The following CCDC102B variants were observed in gnomAD, a reference collection of about 807,000 sequenced individuals.
The protein encoded by CCDC102B is coiled-coil domain-containing protein 102B.
In CCDC102B, 75 loss-of-function variants were observed where a neutral mutation model predicts 57.4. The observed-to-expected ratio is 1.31, with a 90% CI of 1.08 to 1.58. The LOEUF is 1.58. CCDC102B is among the 40% of genes most tolerant of loss of function. CCDC102B has a pLI of 0.00. For missense variants in CCDC102B, 636 were observed against 582.6 expected, an observed-to-expected ratio of 1.09 and a Z score of -0.94; for synonymous variants, 206 against 201.9, an observed-to-expected ratio of 1.02 and a Z score of -0.17.
At chr18:68,773,297 C>T (rs1450816044) in intron 2 of CCDC102B, among the ~76,000 whole-genome samples, 1 of 151,936 alleles carries the variant, frequency 6.6e-6, no homozygotes, top group Non-Finnish European at 1.5e-5. Flanking sequence ...ATAATAGTAA[C>T]ATGGCAGAGG....
intron 7 of CCDC102B, among the ~76,000 whole-genome samples, chr18:69,018,948 G>A (rs1346467097): frequency 1.3e-5 from 2 of 151,740 alleles, no homozygotes; most frequent in Non-Finnish European, 2.9e-5. Context: ...TGTGGTGCAA[G>A]ATATGGATAT....
rs140044917 is a variant in CCDC102B, at chr18:69,021,583, G to A, written c.1434+10479G>A. On this transcript the variant is annotated intron_variant, in intron 7 of 7. Transcript: ENST00000360242. Reference sequence around the variant, plus strand: ...CGTTGTGAGAGATATTCAATCCTAAGTATATACAGTTGAATGTAACAAATG... The same window carrying A: ...CGTTGTGAGAGATATTCAATCCTAAATATATACAGTTGAATGTAACAAATG... 2.7e-3 allele frequency among the ~76,000 whole-genome samples: 413 copies of A among 152,318 alleles called. 2 individuals carry two copies. Among genetic ancestry groups the A allele is most frequent in the African/African-American group, 9.6e-3 (398 of 41,578 alleles).
intron 6 of CCDC102B, among the ~76,000 whole-genome samples, chr18:68,967,212 G>A (rs1273516107): frequency 1.3e-5 from 2 of 151,896 alleles, no homozygotes; most frequent in African/African-American, 2.4e-5. Context: ...ATCAACCATC[G>A]AAGCATATAG....
At chr18:68,986,711 CA>C (rs891456259) in intron 6 of CCDC102B, among the ~76,000 whole-genome samples, 11 of 149,136 alleles carry the variant, frequency 7.4e-5, no homozygotes, top group East Asian at 3.9e-4. Flanking sequence ...ACAACAACAA[CA>C]AAAAAAAAAC....
At chr18:69,050,014 T>C (rs1383494062) in intron 7 of CCDC102B, among the ~76,000 whole-genome samples, 1 of 152,142 alleles carries the variant, frequency 6.6e-6, no homozygotes, top group Non-Finnish European at 1.5e-5. Flanking sequence ...TTCACTATGT[T>C]GACTAGGCTA....
At position 69,055,165 on chromosome 18, in the gene CCDC102B, A is replaced by G; in HGVS notation, c.*1028A>G. 2 of 977,590 alleles carry G rather than the reference A, an allele frequency of 2.0e-6. No individual in the cohort carries two copies. The highest frequency in any genetic ancestry group is 2.4e-6 in the Non-Finnish European group (2 of 822,858). The allele number at this position is 977,590 out of a possible 1,614,324, so 60.6% of individuals were successfully genotyped here. A position where few individuals can be genotyped will look rare whatever the true frequency, so the allele number is the denominator to read the frequency against. ...ATGAAATCTTACTAATTCATTATTG[A>G]ATAAAGACCACTTTTATCAGAGTCT... On this transcript the variant is annotated 3_prime_UTR_variant, in exon 8 of 8. Coordinates refer to ENST00000360242, the MANE Select transcript of CCDC102B (RefSeq NM_024781.3).
At chr18:68,906,413 A>T (rs142952916) in intron 6 of CCDC102B, among the ~76,000 whole-genome samples, 2 of 152,300 alleles carry the variant, frequency 1.3e-5, no homozygotes, top group East Asian at 3.9e-4. Context: ...TGTATTCCAT[A>T]ATGGCGGAAC....
At chr18:68,904,290 T>G (rs565987215) in intron 6 of CCDC102B, among the ~76,000 whole-genome samples, 2 of 152,308 alleles carry the variant, frequency 1.3e-5, no homozygotes, top group African/African-American at 4.8e-5. Flanking sequence ...AAGTTCAAGT[T>G]TTTAAAATAT....
chr18:68,905,984 G>A (rs1599667554), intron 6 of CCDC102B, among the ~76,000 whole-genome samples: 1 of 151,620 alleles, frequency 6.6e-6, no homozygotes, highest in Non-Finnish European at 1.5e-5. Context: ...TAGTAGAGAC[G>A]GGGTTTCACC....
intron 5 of CCDC102B, among the ~76,000 whole-genome samples, chr18:68,884,550 G>A (rs990689251): frequency 6.6e-6 from 1 of 150,618 alleles, no homozygotes. Flanking sequence ...TAGGTCAGAG[G>A]CTACAAGGCA....
intron 4 of CCDC102B, among the ~76,000 whole-genome samples, chr18:68,862,019 A>G (rs957848894): frequency 2.0e-5 from 3 of 152,188 alleles, no homozygotes; most frequent in Non-Finnish European, 4.4e-5. Flanking sequence ...AATTTATATA[A>G]TCATCTCTCT....
At chr18:68,981,433 A>T (rs1002072699) in intron 6 of CCDC102B, among the ~76,000 whole-genome samples, 1 of 152,064 alleles carries the variant, frequency 6.6e-6, no homozygotes. Flanking sequence ...ATATTGTCAG[A>T]TAACTATTGG....
chr18:69,020,105 C>T (rs2051788915), intron 7 of CCDC102B, among the ~76,000 whole-genome samples: 1 of 151,948 alleles, frequency 6.6e-6, no homozygotes, highest in Non-Finnish European at 1.5e-5. Flanking sequence ...AAAATATATG[C>T]TTCTATAAAT....
rs150053561 is a variant in CCDC102B at position 69,016,574 on chromosome 18, C to T, written c.1434+5470C>T. On this transcript the variant is annotated intron_variant, in intron 7 of 7. Coordinates refer to ENST00000360242, the MANE Select transcript of CCDC102B (RefSeq NM_024781.3). ...ACCTTAGTGTATGGGCTTCAAATGC[C>T]TAGGTAATCTTACACACAATTATAG... Among the ~76,000 whole-genome samples, 675 of 152,300 alleles carry T rather than the reference C, an allele frequency of 4.4e-3. 5 individuals carry two copies. The highest frequency in any genetic ancestry group is 0.016 in the African/African-American group (646 of 41,572).
At chr18:68,740,306 T>C (rs2145220939) in intron 2 of CCDC102B, among the ~76,000 whole-genome samples, 1 of 152,354 alleles carries the variant, frequency 6.6e-6, no homozygotes, top group Non-Finnish European at 1.5e-5. Flanking sequence ...TTTGCTGTCA[T>C]TTTAAAGATC....
At position 68,837,079 on chromosome 18, in the gene CCDC102B, T is replaced by C. The variant is rs1599542028; in HGVS notation, c.316T>C (p.Trp106Arg). ...CTGCACTGCCAACTGGAGAGAAAAA[T>C]GGAGTAAAGTTCGAGCTGAAAGGAA... is the stretch of plus-strand genomic sequence containing the variant. ...SDCTANWREK[W>R]SKVRAERNSA... is the part of the protein sequence containing the mutation. The change falls in exon 2 of 8, where the codon TGG becomes CGG. Residue 106 changes from tryptophan (W) to arginine (R), a missense_variant. By Grantham distance (101) the Trp-to-Arg change is moderately radical. Transcript: ENST00000360242. 1 of 1,613,626 alleles carries C rather than the reference T, an allele frequency of 6.2e-7. No homozygotes were observed. The highest frequency in any genetic ancestry group is 2.2e-5 in the East Asian group (1 of 44,870).
At chr18:69,026,344 G>A (rs1342939922) in intron 7 of CCDC102B, among the ~76,000 whole-genome samples, 2 of 151,338 alleles carry the variant, frequency 1.3e-5, no homozygotes, top group Admixed American at 6.6e-5. Context: ...GTGCGGACCT[G>A]TAATCCCAGC....
At chr18:68,824,948 T>G (rs1002261164) in intron 1 of CCDC102B, among the ~76,000 whole-genome samples, 4 of 152,158 alleles carry the variant, frequency 2.6e-5, no homozygotes, top group Middle Eastern at 3.2e-3. Context: ...TAAATATATA[T>G]GTACCTCTAT....
At chr18:68,813,368 G>T (rs142159863) in intron 1 of CCDC102B, among the ~76,000 whole-genome samples, 355 of 152,054 alleles carry the variant, frequency 2.3e-3, no homozygotes, top group African/African-American at 7.2e-3. Flanking sequence ...AGCAGCACGA[G>T]AACCAACTAA....
Sources: gnomAD v4.1 joint callset for allele counts (sites outside exome capture counted in the v4.1 genomes callset) on GRCh38, gnomAD v4.1.1 for gene constraint, MANE v1.5 for transcripts, NCBI Gene and HGNC (gene_info 2026-07-23, HGNC 2026-07-21) for gene names.